The following RANBP2 variants were observed in gnomAD, a reference collection of about 807,000 sequenced individuals.
RANBP2 encodes the protein E3 SUMO-protein ligase RanBP2.
Under a neutral mutation model 303.6 loss-of-function variants are expected in RANBP2, and 57 were observed. That is an observed-to-expected ratio of 0.19 (90% confidence interval 0.15 to 0.23). The LOEUF (loss-of-function observed/expected upper bound fraction) is 0.23. Among genes scored for constraint, RANBP2 ranks in the 10% least tolerant of loss-of-function variants. The probability of loss-of-function intolerance (pLI) is 1.00; values close to 1 mark genes in which losing one functional copy is unlikely to be tolerated. For synonymous variants in RANBP2, 1,167 were observed against 1,301.5 expected, an observed-to-expected ratio of 0.90 and a Z score of 2.23; for missense variants, 3,138 against 3,780.8, an observed-to-expected ratio of 0.83 and a Z score of 4.46.
the RANBP2 span, among the ~76,000 whole-genome samples, chr2:109,229,974 G>A: frequency 1.3e-5 from 2 of 151,878 alleles, no homozygotes; most frequent in East Asian, 3.9e-4. Flanking sequence ...ACAGGCGCAC[G>A]CCAGTATGCC....
the RANBP2 span, among the ~76,000 whole-genome samples, chr2:109,559,372 G>A: frequency 5.9e-5 from 9 of 152,274 alleles, no homozygotes; most frequent in East Asian, 1.7e-3. Context: ...GAAGACAATA[G>A]TGAGCCACTG....
chr2:109,053,834 C>A, the RANBP2 span, among the ~76,000 whole-genome samples: 5 of 152,294 alleles, frequency 3.3e-5, 1 homozygote, highest in South Asian at 1.0e-3. Flanking sequence ...TCTCCCACCC[C>A]CTCCCCCATC....
At chr2:109,346,741 T>A in the RANBP2 span, among the ~76,000 whole-genome samples, 2 of 152,114 alleles carry the variant, frequency 1.3e-5, no homozygotes, top group African/African-American at 4.8e-5. Context: ...TAGAATCTTG[T>A]TTGGATTTCA....
chr2:109,540,798 CAA>C, the RANBP2 span, among the ~76,000 whole-genome samples: 4 of 131,214 alleles, frequency 3.0e-5, no homozygotes, highest in Admixed American at 8.0e-5. Context: ...AAGACCCTGT[CAA>C]AAAAAAAAAA....
chr2:109,150,665 G>T, the RANBP2 span, among the ~76,000 whole-genome samples: 2 of 151,976 alleles, frequency 1.3e-5, no homozygotes, highest in Non-Finnish European at 2.9e-5. Context: ...GGCTGCCTCT[G>T]GTTCCAGTCT....
chr2:108,896,919 A>C, the RANBP2 span: 1 of 1,612,424 alleles, frequency 6.2e-7, no homozygotes, highest in Non-Finnish European at 8.5e-7. Context: ...AGGATGCAGC[A>C]TGTGGCTGGG....
the RANBP2 span, among the ~76,000 whole-genome samples, chr2:108,797,246 C>T: frequency 1.3e-5 from 2 of 152,004 alleles, no homozygotes; most frequent in Non-Finnish European, 2.9e-5. Context: ...GAAGCAGAGC[C>T]TATAAAGGAG....
chr2:109,484,014 C>T, the RANBP2 span, among the ~76,000 whole-genome samples: 1 of 152,052 alleles, frequency 6.6e-6, no homozygotes, highest in Non-Finnish European at 1.5e-5. Context: ...CAGACAACCC[C>T]AGCCTCCTCA....
chr2:109,323,715 C>T, the RANBP2 span, among the ~76,000 whole-genome samples: 13 of 152,326 alleles, frequency 8.5e-5, no homozygotes, highest in African/African-American at 2.2e-4. Context: ...CCTGCTCTTC[C>T]ACCCTCCTGT....
chr2:109,281,460 C>T, the RANBP2 span, among the ~76,000 whole-genome samples: 7 of 152,282 alleles, frequency 4.6e-5, no homozygotes, highest in East Asian at 5.8e-4. Context: ...ACGCACAGCA[C>T]GTGTACTGGA....
At chr2:109,585,925 T>C in the RANBP2 span, 99 of 894,374 alleles carry the variant, frequency 1.1e-4, no homozygotes, top group Non-Finnish European at 1.6e-4. Context: ...AGGACAAATA[T>C]ATCAAATAAA....
the RANBP2 span, among the ~76,000 whole-genome samples, chr2:109,506,083 G>C: frequency 1.1e-4 from 17 of 152,168 alleles, no homozygotes; most frequent in African/African-American, 3.9e-4. Flanking sequence ...TACTGATTTA[G>C]CAACCACAGA....
At chr2:109,013,251 A>G in the RANBP2 span, among the ~76,000 whole-genome samples, 765 of 152,330 alleles carry the variant, frequency 5.0e-3, 1 homozygote, top group African/African-American at 0.017. Context: ...GATATCAGCC[A>G]GGGGATTAAC....
chr2:109,456,706 T>C, the RANBP2 span, among the ~76,000 whole-genome samples: 4 of 152,198 alleles, frequency 2.6e-5, no homozygotes, highest in African/African-American at 9.6e-5. Context: ...TGAGTGCTGG[T>C]GACCCTTTCA....
At chr2:108,825,681 T>C in the RANBP2 span, among the ~76,000 whole-genome samples, 1 of 152,200 alleles carries the variant, frequency 6.6e-6, no homozygotes, top group African/African-American at 2.4e-5. Context: ...AGATATAACA[T>C]TTTATTTACC....
chr2:109,534,142 G>A, the RANBP2 span, among the ~76,000 whole-genome samples: 14 of 152,130 alleles, frequency 9.2e-5, no homozygotes, highest in African/African-American at 3.4e-4. Flanking sequence ...TTCTGTGGAC[G>A]AGCCTCTGCC....
At chr2:108,742,912 C>T (rs1340208338) in intron 7 of RANBP2, among the ~76,000 whole-genome samples, 1 of 151,808 alleles carries the variant, frequency 6.6e-6, no homozygotes, top group Non-Finnish European at 1.5e-5. Flanking sequence ...CCTCAGCCTC[C>T]CGAGTAGCTG....
chr2:109,043,702 A>G, the RANBP2 span, among the ~76,000 whole-genome samples: 1 of 152,258 alleles, frequency 6.6e-6, no homozygotes, highest in South Asian at 2.1e-4. Flanking sequence ...TAGAGAAGAC[A>G]CACATCAGGA....
chr2:109,074,934 T>C, the RANBP2 span, among the ~76,000 whole-genome samples: 149 of 140,646 alleles, frequency 1.1e-3, no homozygotes, highest in African/African-American at 3.6e-3. Context: ...GGCAGGAGAA[T>C]TGCTTAACCG....
Sources: gnomAD v4.1 joint callset for allele counts (sites outside exome capture counted in the v4.1 genomes callset) on GRCh38, gnomAD v4.1.1 for gene constraint, MANE v1.5 for transcripts, NCBI Gene and HGNC (gene_info 2026-07-23, HGNC 2026-07-21) for gene names.